The following PTPRM variants were observed in gnomAD, a reference collection of about 807,000 sequenced individuals.
The protein encoded by PTPRM is receptor-type tyrosine-protein phosphatase mu.
Under a neutral mutation model 186.7 loss-of-function variants are expected in PTPRM, and 47 were observed. The observed-to-expected ratio is 0.25, with a 90% CI of 0.20 to 0.32. The LOEUF is 0.32. Among genes scored for constraint, PTPRM ranks in the 10% least tolerant of loss-of-function variants. PTPRM has a pLI of 1.00. For synonymous variants in PTPRM, 668 were observed against 674.9 expected, an observed-to-expected ratio of 0.99 and a Z score of 0.16; for missense variants, 1,494 against 1,865.0, an observed-to-expected ratio of 0.80 and a Z score of 3.66.
chr18:8,368,285 A>G (rs961047386), intron 23 of PTPRM, among the ~76,000 whole-genome samples: 2 of 151,908 alleles, frequency 1.3e-5, no homozygotes, highest in East Asian at 3.9e-4. Context: ...GTCAAATTAG[A>G]CATCTCCACA....
chr18:7,947,008 G>A, intron 5 of PTPRM: 1 of 456,198 alleles, frequency 2.2e-6, no homozygotes, highest in Non-Finnish European at 4.4e-6. Context: ...GAACATATGG[G>A]AGGCCTTGTG....
rs1475646500 is a variant in PTPRM at position 8,122,398 on chromosome 18, C to T, written c.2167+7571C>T. ...GCTCTGTTTCCCCTCTACATTTCCT[C>T]CTTTGCTTAAGGCCTGTTTACAATG... On this transcript the variant is annotated intron_variant, in intron 13 of 32. Transcript: ENST00000580170. 2.0e-5 allele frequency: 3 copies of T among 152,536 alleles called. No individual in the cohort carries two copies. The East Asian group carries it at 5.8e-4, about 29-fold the overall frequency. 9.4% of individuals were successfully genotyped at this position (152,536 alleles called of 1,614,324 possible).
chr18:7,638,749 G>A (rs749448351), intron 1 of PTPRM, among the ~76,000 whole-genome samples: 7 of 152,206 alleles, frequency 4.6e-5, no homozygotes, highest in African/African-American at 7.2e-5. Context: ...GCTGGAGCCT[G>A]CCAATTAATG....
intron 1 of PTPRM, among the ~76,000 whole-genome samples, chr18:7,705,049 A>G (rs895077926): frequency 6.6e-6 from 1 of 152,148 alleles, no homozygotes; most frequent in Non-Finnish European, 1.5e-5. Context: ...ATTTGAAAAT[A>G]AAGTAAATGT....
intron 1 of PTPRM, among the ~76,000 whole-genome samples, chr18:7,667,093 G>C (rs1223827069): frequency 2.0e-5 from 3 of 152,180 alleles, no homozygotes; most frequent in Admixed American, 1.3e-4. Flanking sequence ...AACAGTTTCA[G>C]GTGTTAGGAT....
intron 1 of PTPRM, among the ~76,000 whole-genome samples, chr18:7,655,936 G>A (rs1209705959): frequency 6.6e-6 from 1 of 152,196 alleles, no homozygotes; most frequent in Non-Finnish European, 1.5e-5. Flanking sequence ...GACTATTAGT[G>A]AGGATGCAGA....
At chr18:8,162,228 T>G (rs2093244892) in intron 14 of PTPRM, among the ~76,000 whole-genome samples, 1 of 151,922 alleles carries the variant, frequency 6.6e-6, no homozygotes, top group South Asian at 2.1e-4. Context: ...GCCTCCTGAG[T>G]ATCTAGGATT....
intron 7 of PTPRM, among the ~76,000 whole-genome samples, chr18:8,020,214 T>G (rs1305923919): frequency 6.6e-6 from 1 of 152,224 alleles, no homozygotes; most frequent in Non-Finnish European, 1.5e-5. Flanking sequence ...ACTCCAATCT[T>G]TTTTTCGTGC....
chr18:7,806,170 T>C (rs2044224093), intron 2 of PTPRM, among the ~76,000 whole-genome samples: 1 of 152,192 alleles, frequency 6.6e-6, no homozygotes, highest in Non-Finnish European at 1.5e-5. Flanking sequence ...CTTTTCTGTT[T>C]GATGAGCCAA....
At chr18:7,593,934 G>T (rs1368467702) in intron 1 of PTPRM, among the ~76,000 whole-genome samples, 1 of 152,064 alleles carries the variant, frequency 6.6e-6, no homozygotes, top group Non-Finnish European at 1.5e-5. Flanking sequence ...TTCATGGAAG[G>T]TAAATGGTAG....
At chr18:7,581,355 C>G (rs1281013319) in intron 1 of PTPRM, among the ~76,000 whole-genome samples, 1 of 152,040 alleles carries the variant, frequency 6.6e-6, no homozygotes, top group Non-Finnish European at 1.5e-5. Flanking sequence ...TGTGATTGGG[C>G]TCCAAGAAAA....
intron 2 of PTPRM, 195 bp from the exon 3 acceptor site, chr18:7,887,910 GC>G: frequency 1.3e-6 from 1 of 767,660 alleles, no homozygotes; most frequent in Non-Finnish European, 2.4e-6. Context: ...AATACTATGT[GC>G]ACTCTTGAGA....
At chr18:7,607,911 G>C (rs2037574811) in intron 1 of PTPRM, among the ~76,000 whole-genome samples, 1 of 152,212 alleles carries the variant, frequency 6.6e-6, no homozygotes, top group African/African-American at 2.4e-5. Context: ...GAAGAGAGTG[G>C]AGTGAGGCAG....
chr18:7,933,245 T>G (rs1368902722), intron 5 of PTPRM, among the ~76,000 whole-genome samples: 2 of 152,204 alleles, frequency 1.3e-5, no homozygotes, highest in East Asian at 3.8e-4. Flanking sequence ...TAAAGTGTGC[T>G]TCCTTCAAGT....
intron 24 of PTPRM, among the ~76,000 whole-genome samples, chr18:8,372,593 C>A (rs1160161808): frequency 3.3e-5 from 5 of 151,514 alleles, no homozygotes; most frequent in African/African-American, 4.8e-5. Context: ...TTTTTCTTAG[C>A]CTGTCTTTTT....
intron 20 of PTPRM, among the ~76,000 whole-genome samples, chr18:8,297,854 T>C (rs2095113501): frequency 6.6e-6 from 1 of 152,056 alleles, no homozygotes; most frequent in African/African-American, 2.4e-5. Flanking sequence ...GTTTTGTAGG[T>C]TGGTTTTAGA....
chr18:7,574,581 T>C (rs192959483), intron 1 of PTPRM, among the ~76,000 whole-genome samples: 1 of 152,358 alleles, frequency 6.6e-6, no homozygotes, highest in African/African-American at 2.4e-5. Context: ...TGAGAAGTTA[T>C]TCATTTATTA....
chr18:8,266,955 A>G lies in PTPRM; in HGVS notation c.2754+13541A>G, dbSNP rs577294728. Among the ~76,000 whole-genome samples, 15 of 152,278 alleles carry G rather than the reference A, an allele frequency of 9.9e-5. 1 individual carries two copies. In the East Asian group the frequency reaches 2.9e-3, roughly 29 times the overall value. On this transcript the variant is annotated intron_variant, in intron 19 of 32. Transcript: ENST00000580170. ...ACCCATATTATTCATTATGCTATAG[A>G]TTTTAAAAACTTCTTCACTCCCTTT... is the stretch of plus-strand genomic sequence containing the variant.
intron 2 of PTPRM, among the ~76,000 whole-genome samples, chr18:7,836,371 C>T (rs943302708): frequency 2.8e-4 from 42 of 152,134 alleles, no homozygotes; most frequent in African/African-American, 8.2e-4. Context: ...AAAAAGAAAA[C>T]GAATAATGCT....
Sources: gnomAD v4.1 joint callset for allele counts (sites outside exome capture counted in the v4.1 genomes callset) on GRCh38, gnomAD v4.1.1 for gene constraint, MANE v1.5 for transcripts, NCBI Gene and HGNC (gene_info 2026-07-23, HGNC 2026-07-21) for gene names.